Variants in PTPRK observed in about 807,000 individuals in gnomAD.
PTPRK encodes receptor-type tyrosine-protein phosphatase kappa.
A neutral mutation model predicts 178.0 loss-of-function variants in PTPRK; 75 were observed. That is an observed-to-expected ratio of 0.42 (90% CI 0.35 to 0.51). The LOEUF is 0.51. Among genes scored for constraint, PTPRK ranks in the 20% least tolerant of loss-of-function variants. The probability of loss-of-function intolerance (pLI) is 0.02; values close to 1 mark genes in which losing one functional copy is unlikely to be tolerated. For synonymous variants in PTPRK, 637 were observed against 620.6 expected (o/e 1.03, Z -0.39); for missense variants, 1,441 against 1,797.8 (o/e 0.80, Z 3.59).
intron 7 of PTPRK, among the ~76,000 whole-genome samples, chr6:128,167,535 C>T (rs1799598843): frequency 6.6e-6 from 1 of 151,810 alleles, no homozygotes; most frequent in Non-Finnish European, 1.5e-5. Flanking sequence ...GGTTAAATTA[C>T]AGTTTGAGTT....
At chr6:128,371,900 A>G (rs890311066) in intron 2 of PTPRK, among the ~76,000 whole-genome samples, 2 of 151,328 alleles carry the variant, frequency 1.3e-5, no homozygotes, top group Admixed American at 1.3e-4. Flanking sequence ...AGAGAGAGAG[A>G]GAGAAGCCAT....
chr6:128,397,108 C>T (rs979320594), intron 2 of PTPRK, among the ~76,000 whole-genome samples: 1 of 152,176 alleles, frequency 6.6e-6, no homozygotes, highest in Non-Finnish European at 1.5e-5. Flanking sequence ...CCCTCAGAGT[C>T]ACTGGCATGC....
At chr6:128,409,445 G>A (rs533760476) in intron 1 of PTPRK, 5 of 298,438 alleles carry the variant, frequency 1.7e-5, no homozygotes, top group Admixed American at 9.0e-5. Flanking sequence ...TTTGCCAGAA[G>A]ATGTAAATAT....
At chr6:128,495,753 G>T (rs1269957431) in intron 1 of PTPRK, among the ~76,000 whole-genome samples, 1 of 152,182 alleles carries the variant, frequency 6.6e-6, no homozygotes, top group East Asian at 1.9e-4. Context: ...GTCATCGTTA[G>T]TTATAAGGTC....
intron 2 of PTPRK, among the ~76,000 whole-genome samples, chr6:128,358,589 C>G (rs1451834489): frequency 6.6e-6 from 1 of 152,178 alleles, no homozygotes; most frequent in Non-Finnish European, 1.5e-5. Flanking sequence ...GTTTTGTCTA[C>G]CAGAAATTTT....
chr6:128,402,101 T>G (rs1841096652), intron 1 of PTPRK, among the ~76,000 whole-genome samples: 1 of 152,112 alleles, frequency 6.6e-6, no homozygotes, highest in African/African-American at 2.4e-5. Context: ...ACAAAATTCA[T>G]TACAAAAAAG....
At position 128,148,278 on chromosome 6, in the gene PTPRK, C is replaced by T. The variant is rs1796773161; in HGVS notation, c.1162+36154G>A. 2.0e-5 allele frequency among the ~76,000 whole-genome samples: 3 copies of T among 152,174 alleles called. 1 individual carries two copies. In the South Asian group the frequency reaches 6.2e-4, roughly 32 times the overall value. On this transcript the variant is annotated intron_variant, in intron 7 of 29. Transcript: ENST00000368226. ...TACATTTTACTTAAGTAGGTAGATG[C>T]TGCCTAAAAATAAAAAGGGTTGCTT... is the stretch of plus-strand genomic sequence containing the variant.
intron 3 of PTPRK, among the ~76,000 whole-genome samples, chr6:128,312,203 G>T (rs778123675): frequency 2.6e-5 from 4 of 152,108 alleles, no homozygotes; most frequent in Non-Finnish European, 5.9e-5. Context: ...CTAGTATTCG[G>T]GTCTTTTGAC....
intron 1 of PTPRK, among the ~76,000 whole-genome samples, chr6:128,413,966 A>G (rs1328509679): frequency 6.6e-6 from 1 of 152,188 alleles, no homozygotes; most frequent in Non-Finnish European, 1.5e-5. Context: ...ATAAATCACT[A>G]AAAGAAAAGA....
intron 2 of PTPRK, among the ~76,000 whole-genome samples, chr6:128,392,435 A>G (rs1050234931): frequency 5.3e-5 from 8 of 152,196 alleles, no homozygotes; most frequent in Non-Finnish European, 1.0e-4. Flanking sequence ...TCAATTAGCT[A>G]TTTTGCAAAA....
intron 6 of PTPRK, among the ~76,000 whole-genome samples, chr6:128,210,885 G>A (rs562114502): frequency 6.6e-6 from 1 of 152,178 alleles, no homozygotes; most frequent in South Asian, 2.1e-4. Flanking sequence ...CCTACTTGCT[G>A]TTTTGTTGTT....
chr6:128,154,754 A>G (rs924897228), intron 7 of PTPRK, among the ~76,000 whole-genome samples: 4 of 151,782 alleles, frequency 2.6e-5, no homozygotes, highest in African/African-American at 9.7e-5. Flanking sequence ...AATTCTCATA[A>G]TTTGTTACTT....
chr6:128,089,142 T>C (rs996917805), intron 8 of PTPRK, among the ~76,000 whole-genome samples: 3 of 152,194 alleles, frequency 2.0e-5, no homozygotes, highest in Non-Finnish European at 4.4e-5. Context: ...TTTGGAATTT[T>C]TAATAGAGAC....
chr6:128,354,254 T>TTTTTTTTTTA (rs1446303425), intron 2 of PTPRK, among the ~76,000 whole-genome samples: 1 of 136,458 alleles, frequency 7.3e-6, no homozygotes, highest in Non-Finnish European at 1.6e-5. Context: ...TTTTTTTTTT[T>TTTTTTTTTTA]TGAGACTGAG....
At chr6:128,366,474 T>C (rs1407135775) in intron 2 of PTPRK, among the ~76,000 whole-genome samples, 3 of 152,114 alleles carry the variant, frequency 2.0e-5, no homozygotes, top group Non-Finnish European at 2.9e-5. Flanking sequence ...CAAAAACATC[T>C]CCATTTACTA....
chr6:128,210,393 A>G lies in PTPRK; in HGVS notation c.868+8529T>C, dbSNP rs116817131. Among the ~76,000 whole-genome samples the G allele has an allele frequency of 6.1e-3, 868 of 142,740 alleles. 7 individuals carry two copies. The highest frequency in any genetic ancestry group is 0.021 in the African/African-American group (810 of 38,168). The allele number at this position is 142,740 out of a possible 152,430, so 93.6% of individuals were successfully genotyped here. ...GAAAAAAAAAAAACAGTAAAACAAA[A>G]TCAATGAATTCTCTTCTGTACTAGA... On this transcript the variant is annotated intron_variant, in intron 6 of 29. Transcript: ENST00000368226.
At chr6:128,497,420 G>A (rs1010902458) in intron 1 of PTPRK, among the ~76,000 whole-genome samples, 1 of 151,994 alleles carries the variant, frequency 6.6e-6, no homozygotes, top group African/African-American at 2.4e-5. Context: ...GACCATCCTG[G>A]GCAACATAGG....
intron 1 of PTPRK, among the ~76,000 whole-genome samples, chr6:128,433,547 C>T (rs954917550): frequency 6.6e-6 from 1 of 151,672 alleles, no homozygotes; most frequent in Non-Finnish European, 1.5e-5. Context: ...TTTGCTCTGT[C>T]TCCAAGGCTA....
chr6:128,300,751 A>G (rs1281783949), intron 3 of PTPRK, among the ~76,000 whole-genome samples: 1 of 151,930 alleles, frequency 6.6e-6, no homozygotes, highest in Non-Finnish European at 1.5e-5. Flanking sequence ...AGGAGATATA[A>G]CTAATGCTAA....
Sources: gnomAD v4.1 joint callset for allele counts (sites outside exome capture counted in the v4.1 genomes callset) on GRCh38, gnomAD v4.1.1 for gene constraint, MANE v1.5 for transcripts, NCBI Gene and HGNC (gene_info 2026-07-23, HGNC 2026-07-21) for gene names.